ERICH1: variants seen among roughly 807,000 people sequenced by gnomAD.
The protein encoded by ERICH1 is glutamate-rich protein 1.
Under a neutral mutation model 39.6 loss-of-function variants are expected in ERICH1, and 56 were observed. That is an observed-to-expected ratio of 1.41 (90% CI 1.14 to 1.77). The LOEUF is 1.77. Among genes scored for constraint, ERICH1 ranks in the 40% most tolerant of loss-of-function variants. ERICH1 has a pLI of 0.00. For synonymous variants in ERICH1, 313 were observed against 223.6 expected, an observed-to-expected ratio of 1.40 and a Z score of -3.57; for missense variants, 826 against 575.4, an observed-to-expected ratio of 1.44 and a Z score of -4.45.
chr8:641,698 G>A (rs375543291), intron 3 of ERICH1, among the ~76,000 whole-genome samples: 3 of 152,310 alleles, frequency 2.0e-5, no homozygotes, highest in Non-Finnish European at 4.4e-5. Flanking sequence ...CGCTGGCAGC[G>A]GAGCTCCTCC....
At chr8:644,237 G>A (rs1313393776) in intron 3 of ERICH1, among the ~76,000 whole-genome samples, 1 of 152,366 alleles carries the variant, frequency 6.6e-6, no homozygotes, top group African/African-American at 2.4e-5. Context: ...TAAGGCGAGT[G>A]CCTGGCCTCC....
In ERICH1 at chr8:653,865, C is replaced by T. The variant is rs1034974263; in HGVS notation, c.976+14733G>A. Reference sequence around the variant, plus strand: ...TAGGATGGTTGGTGGCTGCCACATGCGCGCAGGGGAATCTGGACACAGGCT... The same window carrying T: ...TAGGATGGTTGGTGGCTGCCACATGTGCGCAGGGGAATCTGGACACAGGCT... On this transcript the variant is annotated intron_variant, in intron 3 of 3. Coordinates refer to the ERICH1 transcript ENST00000522706. 1.3e-4 allele frequency among the ~76,000 whole-genome samples: 18 copies of T among 134,856 alleles called. No homozygotes were observed. The South Asian group carries it at 1.4e-3, about 11-fold the overall frequency. 88.5% of individuals were successfully genotyped at this position (134,856 alleles called of 152,430 possible). A position where few individuals can be genotyped will look rare whatever the true frequency, so the allele number is the denominator to read the frequency against.
chr8:679,452 C>T (rs985885988), intron 3 of ERICH1, among the ~76,000 whole-genome samples: 5 of 151,838 alleles, frequency 3.3e-5, no homozygotes, highest in African/African-American at 1.2e-4. Context: ...GCTCCCACCC[C>T]TCACAGCACC....
At chr8:667,028 G>C (rs977987887) in intron 5 of ERICH1, 7 of 153,166 alleles carry the variant, frequency 4.6e-5, no homozygotes, top group Admixed American at 1.3e-4. Context: ...TCTCTCAGCA[G>C]GTCCTCAGCA....
At chr8:693,286 G>A (rs1398183000) in intron 2 of ERICH1, among the ~76,000 whole-genome samples, 6 of 152,092 alleles carry the variant, frequency 3.9e-5, no homozygotes, top group African/African-American at 1.4e-4. Context: ...TCAGGAGATC[G>A]TGTCACATAC....
intron 3 of ERICH1, among the ~76,000 whole-genome samples, chr8:683,166 AG>A (rs1354703065): frequency 6.6e-6 from 1 of 152,226 alleles, no homozygotes; most frequent in Non-Finnish European, 1.5e-5. Context: ...GGGTGGTTTG[AG>A]ACCCCTGGAG....
At chr8:716,862 G>C (rs1267233626) in intron 1 of ERICH1, among the ~76,000 whole-genome samples, 2 of 152,092 alleles carry the variant, frequency 1.3e-5, no homozygotes, top group East Asian at 3.9e-4. Flanking sequence ...GGCGAGGCAG[G>C]GAGGCTCCAC....
At chr8:728,052 A>G (rs1191223310) in intron 1 of ERICH1, among the ~76,000 whole-genome samples, 1 of 152,172 alleles carries the variant, frequency 6.6e-6, no homozygotes, top group Non-Finnish European at 1.5e-5. Flanking sequence ...TCCCGCCTCC[A>G]TGAGGCTGTG....
intron 4 of ERICH1, 70 bp downstream of exon 4, chr8:673,216 CATT>C: frequency 1.4e-6 from 2 of 1,460,898 alleles, no homozygotes; most frequent in South Asian, 1.4e-5. Flanking sequence ...AACATTTAAG[CATT>C]ATATTTGTTT....
intron 3 of ERICH1, among the ~76,000 whole-genome samples, chr8:643,368 G>A (rs1799238909): frequency 6.6e-6 from 1 of 152,212 alleles, no homozygotes; most frequent in South Asian, 2.1e-4. Flanking sequence ...GGGAAAGGCT[G>A]ACCCCCTGGG....
intron 3 of ERICH1, chr8:616,434 A>G: frequency 2.3e-6 from 1 of 437,988 alleles, no homozygotes. Context: ...CGCACACCCC[A>G]TGCTCTCCTG....
chr8:702,900 G>A (rs937692167), intron 2 of ERICH1, among the ~76,000 whole-genome samples: 1 of 152,220 alleles, frequency 6.6e-6, no homozygotes, highest in Non-Finnish European at 1.5e-5. Context: ...GGTAGCAGTG[G>A]GTGTCCTACC....
At chr8:646,008 G>A (rs1191253639) in intron 3 of ERICH1, among the ~76,000 whole-genome samples, 1 of 70,004 alleles carries the variant, frequency 1.4e-5, no homozygotes, top group African/African-American at 3.6e-5. Flanking sequence ...TCTCCAACAC[G>A]CAGTTACTCC....
At chr8:658,687 A>G (rs1800990563) in intron 3 of ERICH1, among the ~76,000 whole-genome samples, 1 of 152,162 alleles carries the variant, frequency 6.6e-6, no homozygotes, top group Admixed American at 6.5e-5. Context: ...GGACAAGAGG[A>G]GGACAAGACC....
chr8:625,905 A>G (rs1797575632), intron 3 of ERICH1: 1 of 152,236 alleles, frequency 6.6e-6, no homozygotes, highest in African/African-American at 2.4e-5. Flanking sequence ...CAGAAATCCC[A>G]TTTAATAAAC....
At chr8:643,418 G>A (rs543794627) in intron 3 of ERICH1, among the ~76,000 whole-genome samples, 4 of 152,282 alleles carry the variant, frequency 2.6e-5, no homozygotes, top group South Asian at 2.1e-4. Flanking sequence ...TCCATGGCCC[G>A]GCTCTCATGG....
intron 1 of ERICH1, among the ~76,000 whole-genome samples, chr8:721,323 A>G (rs1433563693): frequency 6.6e-6 from 1 of 152,240 alleles, no homozygotes; most frequent in Non-Finnish European, 1.5e-5. Flanking sequence ...GCAAAATTGA[A>G]TATTAATAAT....
chr8:655,703 CCTT>C (rs1430217661), intron 3 of ERICH1, among the ~76,000 whole-genome samples: 67 of 149,166 alleles, frequency 4.5e-4, no homozygotes, highest in African/African-American at 1.6e-3. Flanking sequence ...TTCCTTCCTT[CCTT>C]CTTTCCTTCC....
chr8:718,244 C>T (rs1349722379), intron 1 of ERICH1, among the ~76,000 whole-genome samples: 1 of 151,926 alleles, frequency 6.6e-6, no homozygotes, highest in Non-Finnish European at 1.5e-5. Context: ...GATCGGAGTG[C>T]ACGGAGAAAC....
Sources: gnomAD v4.1 joint callset for allele counts (sites outside exome capture counted in the v4.1 genomes callset) on GRCh38, gnomAD v4.1.1 for gene constraint, MANE v1.5 for transcripts, NCBI Gene and HGNC (gene_info 2026-07-23, HGNC 2026-07-21) for gene names.